The following GRIA1 variants were observed in gnomAD, a reference collection of about 807,000 sequenced individuals.
The protein encoded by GRIA1 is glutamate ionotropic receptor AMPA type subunit 1, also known as glutamate receptor 1.
Under a neutral mutation model 99.2 loss-of-function variants are expected in GRIA1, and 31 were observed. The observed-to-expected ratio is 0.31, with a 90% CI of 0.23 to 0.42. GRIA1 has a LOEUF of 0.42. Among genes scored for constraint, GRIA1 ranks in the 10% least tolerant of loss-of-function variants. The probability of loss-of-function intolerance (pLI) is 1.00; values close to 1 mark genes in which losing one functional copy is unlikely to be tolerated. For synonymous variants in GRIA1, 438 were observed against 432.4 expected, an observed-to-expected ratio of 1.01 and a Z score of -0.16; for missense variants, 782 against 1,157.5, an observed-to-expected ratio of 0.68 and a Z score of 4.71.
Position 153,726,522 on chromosome 5 carries a change from G to T in GRIA1, c.1823+20455G>T, listed in dbSNP as rs547388228. 5.4e-3 allele frequency among the ~76,000 whole-genome samples: 822 copies of T among 151,426 alleles called. 13 individuals are homozygous for T. The highest frequency in any genetic ancestry group is 0.019 in the African/African-American group (786 of 41,196). ...GACTAATAAAGAAGAAAAGAGAGAA[G>T]AATCAAATAGATGCAATAAAAAATA... On this transcript the variant is annotated intron_variant, in intron 11 of 15. Coordinates refer to ENST00000285900, the MANE Select transcript of GRIA1 (RefSeq NM_000827.4).
At chr5:153,788,999 C>T (rs561107027) in intron 13 of GRIA1, among the ~76,000 whole-genome samples, 2 of 152,236 alleles carry the variant, frequency 1.3e-5, no homozygotes, top group South Asian at 2.1e-4. Context: ...ATGACTTTTG[C>T]CTATTGGTCA....
chr5:153,618,517 G>A (rs1042118142), intron 2 of GRIA1, among the ~76,000 whole-genome samples: 2 of 152,186 alleles, frequency 1.3e-5, no homozygotes, highest in East Asian at 1.9e-4. Context: ...AGTGGGCAAT[G>A]CCTGCTGACA....
At chr5:153,583,560 G>A (rs2149378020) in intron 2 of GRIA1, among the ~76,000 whole-genome samples, 1 of 152,082 alleles carries the variant, frequency 6.6e-6, no homozygotes, top group Admixed American at 6.5e-5. Flanking sequence ...CTTCTTATAA[G>A]GACACCAATC....
At position 153,490,781 on chromosome 5, in the gene GRIA1, C is replaced by G. The variant is rs1452432931; in HGVS notation, c.-108C>G. 5 of 844,586 alleles carry G rather than the reference C, an allele frequency of 5.9e-6. No homozygotes were observed. The highest frequency in any genetic ancestry group is 1.0e-5 in the Non-Finnish European group (5 of 484,552). 52.3% of individuals were successfully genotyped at this position (844,586 alleles called of 1,614,324 possible). ...AAGCAAGCAAGCAAGGAAGGAACTG[C>G]AGGAGGAAAAGAACAGGCAGAACAG... On this transcript the variant is annotated 5_prime_UTR_variant, in exon 1 of 16. Coordinates refer to ENST00000285900, the MANE Select transcript of GRIA1 (RefSeq NM_000827.4).
At chr5:153,716,453 C>G (rs905629165) in intron 11 of GRIA1, among the ~76,000 whole-genome samples, 1 of 152,026 alleles carries the variant, frequency 6.6e-6, no homozygotes, top group Non-Finnish European at 1.5e-5. Flanking sequence ...TTCCCTAACT[C>G]TGGTTTTTTT....
chr5:153,759,455 AG>A lies in GRIA1; in HGVS notation c.1824-4977del, dbSNP rs146288317. 6.0e-3 allele frequency among the ~76,000 whole-genome samples: 917 copies of A among 152,040 alleles called. 10 individuals are homozygous for A. The highest frequency in any genetic ancestry group is 0.021 in the African/African-American group (876 of 41,558). On this transcript the variant is annotated intron_variant, in intron 11 of 15. Transcript: ENST00000285900. ...CTATACACAACAAATTGTAAAACCT[AG>A]GAAAAAAATAAGTTCTTAGACACAT...
At chr5:153,804,935 A>G (rs1225607665) in intron 15 of GRIA1, among the ~76,000 whole-genome samples, 2 of 151,586 alleles carry the variant, frequency 1.3e-5, no homozygotes, top group East Asian at 3.9e-4. Context: ...TATTTTTAGC[A>G]CAGATGGGGT....
At chr5:153,623,525 G>T (rs973853728) in intron 2 of GRIA1, among the ~76,000 whole-genome samples, 2 of 152,204 alleles carry the variant, frequency 1.3e-5, no homozygotes. Flanking sequence ...CACTAATTAA[G>T]TTTAACAGTG....
chr5:153,706,671 A>C (rs915843213), intron 11 of GRIA1, among the ~76,000 whole-genome samples: 1 of 152,140 alleles, frequency 6.6e-6, no homozygotes, highest in Non-Finnish European at 1.5e-5. Context: ...TCAGAAAGTC[A>C]CCTCACCCTA....
At chr5:153,802,306 A>T in intron 14 of GRIA1, 50 bp from the exon 15 acceptor site, 2 of 1,578,328 alleles carry the variant, frequency 1.3e-6, no homozygotes, top group Non-Finnish European at 1.7e-6. Flanking sequence ...TAGCCTCTTG[A>T]CTCACTTTAT....
chr5:153,631,670 A>G (rs1350424168), intron 2 of GRIA1, among the ~76,000 whole-genome samples: 1 of 152,190 alleles, frequency 6.6e-6, no homozygotes, highest in Non-Finnish European at 1.5e-5. Context: ...AATATTGATC[A>G]ATACATGTGC....
At chr5:153,691,397 A>G (rs1352954878) in intron 8 of GRIA1, among the ~76,000 whole-genome samples, 1 of 152,110 alleles carries the variant, frequency 6.6e-6, no homozygotes, top group Non-Finnish European at 1.5e-5. Flanking sequence ...TCCCATCACC[A>G]TTGTTCCTAT....
chr5:153,738,117 G>T (rs778926572), intron 11 of GRIA1, among the ~76,000 whole-genome samples: 2 of 152,192 alleles, frequency 1.3e-5, no homozygotes, highest in Non-Finnish European at 2.9e-5. Flanking sequence ...CATCCAGACA[G>T]GATGCAGAGA....
chr5:153,674,475 C>T (rs747222215), intron 5 of GRIA1, 25 bp from the exon 6 acceptor site: 1 of 1,613,416 alleles, frequency 6.2e-7, no homozygotes, highest in Non-Finnish European at 8.5e-7. Flanking sequence ...CATGTTCTAA[C>T]TTCTCCCTCC....
intron 11 of GRIA1, among the ~76,000 whole-genome samples, chr5:153,740,618 C>G (rs983002921): frequency 1.3e-5 from 2 of 152,202 alleles, no homozygotes; most frequent in South Asian, 2.1e-4. Flanking sequence ...GGGAGAGGAA[C>G]TTGTGGTTGT....
At chr5:153,496,230 G>GA (rs1388878663) in intron 2 of GRIA1, among the ~76,000 whole-genome samples, 1 of 152,212 alleles carries the variant, frequency 6.6e-6, no homozygotes, top group African/African-American at 2.4e-5. Context: ...ACAGAAATAT[G>GA]ATACAGACAA....
chr5:153,647,192 G>A lies in GRIA1; in HGVS notation c.460+25G>A, dbSNP rs771652516. The stretch of plus-strand genomic sequence containing the variant: ...GGTAAGCCAAGGGTTAGGGGAGGGA[G>A]ACTTTTGAGGGATGGAGAGAAAATT... On this transcript the variant is annotated intron_variant, in intron 3 of 15. Transcript: ENST00000285900. The A allele has an allele frequency of 1.9e-6, 3 of 1,606,460 alleles. No individual in the cohort carries two copies. In the East Asian group the frequency reaches 6.7e-5, roughly 36 times the overall value.
chr5:153,605,676 C>A (rs1423485585), intron 2 of GRIA1, among the ~76,000 whole-genome samples: 3 of 152,146 alleles, frequency 2.0e-5, no homozygotes, highest in Non-Finnish European at 4.4e-5. Flanking sequence ...TTTTAGCCCT[C>A]CTGGTGGGGG....
At chr5:153,752,790 G>A (rs751708450) in intron 11 of GRIA1, among the ~76,000 whole-genome samples, 2 of 152,124 alleles carry the variant, frequency 1.3e-5, no homozygotes, top group Non-Finnish European at 2.9e-5. Flanking sequence ...GTAATGCTAT[G>A]AAGAGATTTT....
Sources: allele counts gnomAD v4.1 joint callset (sites outside exome capture counted in the v4.1 genomes callset), GRCh38; gene constraint gnomAD v4.1.1; transcripts MANE v1.5; gene names NCBI Gene and HGNC (gene_info 2026-07-23, HGNC 2026-07-21).